Variants in TBC1D5 observed in about 807,000 individuals in gnomAD.
TBC1D5 encodes the protein TBC1 domain family, member 5.
In TBC1D5, 75 loss-of-function variants were observed where a neutral mutation model predicts 100.3. The ratio of observed to expected loss-of-function variants is 0.75; its 90% CI spans 0.62 to 0.91. The LOEUF (loss-of-function observed/expected upper bound fraction) is 0.91. Ranked by LOEUF, TBC1D5 falls within the 40% of genes least tolerant of loss-of-function variation. TBC1D5 has a pLI of 0.00. For synonymous variants in TBC1D5, 323 were observed against 325.6 expected, an observed-to-expected ratio of 0.99 and a Z score of 0.09; for missense variants, 910 against 942.4, an observed-to-expected ratio of 0.97 and a Z score of 0.45.
chr3:17,724,300 G>A (rs191167227), intron 1 of TBC1D5, among the ~76,000 whole-genome samples: 4 of 152,128 alleles, frequency 2.6e-5, no homozygotes, highest in Admixed American at 1.3e-4. Flanking sequence ...TTACTATGCT[G>A]TCCAGGTTGG....
chr3:17,382,426 C>A (rs1037872707), intron 9 of TBC1D5, among the ~76,000 whole-genome samples: 1 of 151,872 alleles, frequency 6.6e-6, no homozygotes, highest in African/African-American at 2.4e-5. Context: ...TTAAAAAAAA[C>A]ACGTATCTTA....
intron 14 of TBC1D5, among the ~76,000 whole-genome samples, chr3:17,295,284 C>A (rs1393572384): frequency 6.6e-6 from 1 of 152,222 alleles, no homozygotes; most frequent in Non-Finnish European, 1.5e-5. Context: ...AGCTGCCCAA[C>A]TTCACTGAAA....
intron 2 of TBC1D5, among the ~76,000 whole-genome samples, chr3:17,567,856 A>G (rs2096602800): frequency 6.6e-6 from 1 of 151,772 alleles, no homozygotes; most frequent in South Asian, 2.1e-4. Flanking sequence ...TAAACAAAAT[A>G]TACCTATATA....
intron 19 of TBC1D5, among the ~76,000 whole-genome samples, chr3:17,170,732 C>T (rs1371452363): frequency 6.6e-6 from 1 of 152,074 alleles, no homozygotes. Context: ...TCTTTAGAGG[C>T]AAGGACCTAG....
At chr3:17,455,160 A>C (rs2095029217) in intron 3 of TBC1D5, among the ~76,000 whole-genome samples, 1 of 145,230 alleles carries the variant, frequency 6.9e-6, no homozygotes, top group Non-Finnish European at 1.5e-5. Context: ...AAAAAAAAAA[A>C]AGTATACACA....
At chr3:17,464,872 A>G (rs779209650) in intron 3 of TBC1D5, among the ~76,000 whole-genome samples, 1 of 152,106 alleles carries the variant, frequency 6.6e-6, no homozygotes. Context: ...CAAGATAAAA[A>G]AAAACAGTAT....
chr3:17,717,367 C>T (rs4908964), intron 1 of TBC1D5, among the ~76,000 whole-genome samples: 86,817 of 151,748 alleles, frequency 0.57, 25,634 homozygotes, highest in East Asian at 0.99. Context: ...ATAATATTTG[C>T]GTAACTATAA....
At chr3:17,497,610 T>C (rs2095730732) in intron 3 of TBC1D5, among the ~76,000 whole-genome samples, 1 of 152,218 alleles carries the variant, frequency 6.6e-6, no homozygotes, top group Non-Finnish European at 1.5e-5. Flanking sequence ...TAATTAAGGA[T>C]AAAAATTGAT....
intron 13 of TBC1D5, among the ~76,000 whole-genome samples, chr3:17,322,468 C>T (rs569452979): frequency 5.9e-5 from 9 of 152,294 alleles, no homozygotes; most frequent in Admixed American, 1.3e-4. Context: ...AGATAAGCAG[C>T]GCAGCACTGT....
chr3:17,359,560 C>A (rs2091518395), intron 13 of TBC1D5, among the ~76,000 whole-genome samples: 1 of 152,028 alleles, frequency 6.6e-6, no homozygotes, highest in African/African-American at 2.4e-5. Flanking sequence ...AGAAAACTTG[C>A]TTTTACAGGC....
intron 2 of TBC1D5, among the ~76,000 whole-genome samples, chr3:17,569,310 A>G (rs906539001): frequency 1.3e-5 from 2 of 151,858 alleles, no homozygotes; most frequent in Non-Finnish European, 2.9e-5. Context: ...AAGTTCCTCC[A>G]TAATGTAGGC....
At chr3:17,581,674 A>G (rs1232860628) in intron 2 of TBC1D5, among the ~76,000 whole-genome samples, 2 of 152,158 alleles carry the variant, frequency 1.3e-5, no homozygotes, top group African/African-American at 2.4e-5. Flanking sequence ...AATCTTCTAC[A>G]TGATCTCTCT....
chr3:17,357,724 TAAG>T (rs2091343395), intron 13 of TBC1D5, among the ~76,000 whole-genome samples: 1 of 152,208 alleles, frequency 6.6e-6, no homozygotes, highest in Non-Finnish European at 1.5e-5. Context: ...GCTTTGCAAA[TAAG>T]AACTCCACAT....
At chr3:17,650,600 A>AG (rs1473628681) in intron 1 of TBC1D5, among the ~76,000 whole-genome samples, 3 of 152,232 alleles carry the variant, frequency 2.0e-5, no homozygotes, top group Non-Finnish European at 2.9e-5. Flanking sequence ...AGACAAAAAA[A>AG]AAGTCATACT....
At chr3:17,362,953 C>T (rs2091846041) in intron 13 of TBC1D5, among the ~76,000 whole-genome samples, 1 of 152,048 alleles carries the variant, frequency 6.6e-6, no homozygotes, top group African/African-American at 2.4e-5. Flanking sequence ...CCTTTCCATG[C>T]CCTTTTATAG....
chr3:17,563,697 G>A (rs750333952), intron 2 of TBC1D5, among the ~76,000 whole-genome samples: 4 of 152,172 alleles, frequency 2.6e-5, no homozygotes, highest in Non-Finnish European at 5.9e-5. Context: ...GAGTCTGGAA[G>A]GACATATCCA....
At chr3:17,696,880 G>GCAT (rs2153837475) in intron 1 of TBC1D5, among the ~76,000 whole-genome samples, 1 of 152,264 alleles carries the variant, frequency 6.6e-6, no homozygotes, top group South Asian at 2.1e-4. Flanking sequence ...ACCGAATCCA[G>GCAT]CATCACATCA....
intron 1 of TBC1D5, among the ~76,000 whole-genome samples, chr3:17,725,170 T>C (rs2076020518): frequency 1.3e-5 from 2 of 152,228 alleles, no homozygotes; most frequent in African/African-American, 2.4e-5. Context: ...GGTTATAATT[T>C]ACTGTGAACT....
chr3:17,699,525 C>T (rs571170470), intron 1 of TBC1D5, among the ~76,000 whole-genome samples: 15 of 110,416 alleles, frequency 1.4e-4, no homozygotes, highest in Non-Finnish European at 2.3e-4. Context: ...CACATGTACC[C>T]TAAAACTTAA....
Sources: gnomAD v4.1 joint callset for allele counts (sites outside exome capture counted in the v4.1 genomes callset) on GRCh38, gnomAD v4.1.1 for gene constraint, MANE v1.5 for transcripts, NCBI Gene and HGNC (gene_info 2026-07-23, HGNC 2026-07-21) for gene names.